The following IGSF21 variants were observed in gnomAD, a reference collection of about 807,000 sequenced individuals.
IGSF21 encodes the protein immunoglobin superfamily member 21, also known as immunoglobulin superfamily member 21.
Under a neutral mutation model 46.8 loss-of-function variants are expected in IGSF21, and 28 were observed. That is an observed-to-expected ratio of 0.60 (90% CI 0.44 to 0.82). The LOEUF (loss-of-function observed/expected upper bound fraction) is 0.82. Ranked by LOEUF, IGSF21 falls within the 40% of genes least tolerant of loss-of-function variation. The probability of loss-of-function intolerance (pLI) is 0.00; values close to 1 mark genes in which losing one functional copy is unlikely to be tolerated. For synonymous variants in IGSF21, 284 were observed against 273.6 expected (o/e 1.04, Z -0.38); for missense variants, 624 against 665.5 (o/e 0.94, Z 0.69).
chr1:18,242,634 T>C (rs2084743189), intron 2 of IGSF21, among the ~76,000 whole-genome samples: 1 of 152,214 alleles, frequency 6.6e-6, no homozygotes, highest in African/African-American at 2.4e-5. Context: ...AAGAAGGCTG[T>C]TTATTTCCTT....
chr1:18,313,897 T>C (rs1243123662), intron 3 of IGSF21, among the ~76,000 whole-genome samples: 1 of 152,160 alleles, frequency 6.6e-6, no homozygotes, highest in Non-Finnish European at 1.5e-5. Flanking sequence ...TCTGGAAAAC[T>C]TGGAAACAGT....
chr1:18,231,096 C>A (rs1283929070), intron 2 of IGSF21, among the ~76,000 whole-genome samples: 1 of 152,184 alleles, frequency 6.6e-6, no homozygotes, highest in East Asian at 1.9e-4. Context: ...GTGGCTCCAA[C>A]CCCGTTAGAA....
intron 2 of IGSF21, among the ~76,000 whole-genome samples, chr1:18,259,148 C>T (rs756636192): frequency 9.9e-5 from 15 of 152,216 alleles, no homozygotes; most frequent in Admixed American, 9.2e-4. Context: ...CACATCCCCT[C>T]GGGGCTGAGC....
intron 2 of IGSF21, among the ~76,000 whole-genome samples, chr1:18,277,789 T>C (rs1048077428): frequency 6.6e-6 from 1 of 152,206 alleles, no homozygotes; most frequent in African/African-American, 2.4e-5. Context: ...CTACGTACCG[T>C]ATAATTCGTT....
chr1:18,250,702 G>A (rs935191826), intron 2 of IGSF21, among the ~76,000 whole-genome samples: 4 of 152,028 alleles, frequency 2.6e-5, no homozygotes, highest in Non-Finnish European at 5.9e-5. Context: ...TGCTAAGTGG[G>A]GATAGTAACT....
At chr1:18,370,761 T>C (rs1007459930) in intron 6 of IGSF21, among the ~76,000 whole-genome samples, 8 of 152,128 alleles carry the variant, frequency 5.3e-5, no homozygotes, top group African/African-American at 1.7e-4. Flanking sequence ...AAATCAATAA[T>C]GAAAGACTAC....
At chr1:18,299,797 T>C (rs2085344072) in intron 3 of IGSF21, among the ~76,000 whole-genome samples, 1 of 152,220 alleles carries the variant, frequency 6.6e-6, no homozygotes, top group African/African-American at 2.4e-5. Context: ...CTCTTAGCAT[T>C]AGAATTGAAA....
chr1:18,244,352 A>G (rs985659449), intron 2 of IGSF21, among the ~76,000 whole-genome samples: 10 of 152,216 alleles, frequency 6.6e-5, no homozygotes, highest in East Asian at 1.9e-4. Flanking sequence ...CCTTTCCAGC[A>G]TGGACCATGG....
At chr1:18,303,651 A>T (rs1343214935) in intron 3 of IGSF21, among the ~76,000 whole-genome samples, 1 of 152,184 alleles carries the variant, frequency 6.6e-6, no homozygotes, top group Non-Finnish European at 1.5e-5. Context: ...TGACTTAATT[A>T]TTCATTCGTC....
chr1:18,257,375 G>A (rs764684765), intron 2 of IGSF21, among the ~76,000 whole-genome samples: 21 of 152,108 alleles, frequency 1.4e-4, no homozygotes, highest in Non-Finnish European at 2.6e-4. Context: ...GCATATGAAA[G>A]CCCCTTGTAA....
rs1569808588 is a variant in IGSF21 at position 18,322,462 on chromosome 1, C to G, written c.306-12430C>G. ...AAGTAGAGAGGCAGAGGCAGAGATT[C>G]CTGTTAAATAAAGCAATCACGAACG... On this transcript the variant is annotated intron_variant, in intron 3 of 9. Coordinates refer to ENST00000251296, the MANE Select transcript of IGSF21 (RefSeq NM_032880.5). The surrounding 1 kb of genome is among the most constrained non-coding windows in gnomAD (Gnocchi z 4.3). 6.7e-6 allele frequency among the ~76,000 whole-genome samples: 1 copy of G among 150,036 alleles called. No homozygotes were observed. The highest frequency in any genetic ancestry group is 2.0e-4 in the East Asian group (1 of 5,118).
intron 3 of IGSF21, among the ~76,000 whole-genome samples, chr1:18,329,359 C>T (rs574960900): frequency 1.4e-4 from 21 of 152,230 alleles, no homozygotes; most frequent in East Asian, 1.9e-4. Flanking sequence ...ATGGAGAAAC[C>T]GAAGCTCAAA....
At chr1:18,203,988 T>C (rs2087102347) in intron 1 of IGSF21, among the ~76,000 whole-genome samples, 1 of 152,212 alleles carries the variant, frequency 6.6e-6, no homozygotes, top group Non-Finnish European at 1.5e-5. Context: ...CCGAGAGCTG[T>C]TCTAAGCCTT....
intron 1 of IGSF21, among the ~76,000 whole-genome samples, chr1:18,225,085 T>TCACACA (rs529286231): frequency 0.015 from 791 of 51,544 alleles, 42 homozygotes; most frequent in African/African-American, 0.05. Context: ...TCTCTCTCTC[T>TCACACA]CACACACACA....
intron 2 of IGSF21, among the ~76,000 whole-genome samples, chr1:18,245,770 G>A (rs1354327491): frequency 6.6e-6 from 1 of 152,160 alleles, no homozygotes; most frequent in Non-Finnish European, 1.5e-5. Context: ...AGGGTGGGTG[G>A]TTGGAGTACC....
intron 1 of IGSF21, among the ~76,000 whole-genome samples, chr1:18,130,449 C>T (rs1344058312): frequency 2.6e-5 from 4 of 152,190 alleles, no homozygotes; most frequent in Non-Finnish European, 1.5e-5. Context: ...CTTACCAGAC[C>T]TCTGAGGGCT....
Position 18,164,862 on chromosome 1 carries a change from T to C in IGSF21, c.70+56664T>C, listed in dbSNP as rs369328490. 2.1e-3 allele frequency among the ~76,000 whole-genome samples: 309 copies of C among 149,666 alleles called. 2 individuals carry two copies. Among genetic ancestry groups the C allele is most frequent in the African/African-American group, 7.4e-3 (299 of 40,526 alleles). The stretch of plus-strand genomic sequence containing the variant: ...AACTCGTCATTTACATTAGGTATAT[T>C]TCCTAATGCTATCCCTCCCCCCTCC... On this transcript the variant is annotated intron_variant, in intron 1 of 9. Transcript: ENST00000251296.
At chr1:18,220,634 C>T (rs936034228) in intron 1 of IGSF21, among the ~76,000 whole-genome samples, 7 of 152,038 alleles carry the variant, frequency 4.6e-5, no homozygotes, top group African/African-American at 1.7e-4. Flanking sequence ...AAGTAATTTT[C>T]GGTGTCCCAA....
chr1:18,291,532 G>C (rs971970858), intron 2 of IGSF21, among the ~76,000 whole-genome samples: 1 of 152,118 alleles, frequency 6.6e-6, no homozygotes, highest in Non-Finnish European at 1.5e-5. Flanking sequence ...ATTTTTCTTC[G>C]CAGCCTCTTC....
Sources: allele counts gnomAD v4.1 joint callset (sites outside exome capture counted in the v4.1 genomes callset), GRCh38; gene constraint gnomAD v4.1.1; non-coding constraint Gnocchi (gnomAD v3.1); transcripts MANE v1.5; gene names NCBI Gene and HGNC (gene_info 2026-07-23, HGNC 2026-07-21).